Variants in NRG3 observed in about 807,000 individuals in gnomAD.
The protein encoded by NRG3 is neuregulin 3.
In NRG3, 31 loss-of-function variants were observed where a neutral mutation model predicts 66.9. That is an observed-to-expected ratio of 0.46 (90% CI 0.35 to 0.63). The LOEUF (loss-of-function observed/expected upper bound fraction) is 0.63. Among genes scored for constraint, NRG3 ranks in the 20% least tolerant of loss-of-function variants. The probability of loss-of-function intolerance (pLI) is 0.00; values close to 1 mark genes in which losing one functional copy is unlikely to be tolerated. For synonymous variants in NRG3, 393 were observed against 359.4 expected, an observed-to-expected ratio of 1.09 and a Z score of -1.06; for missense variants, 910 against 878.9, an observed-to-expected ratio of 1.04 and a Z score of -0.45.
chr10:82,670,139 C>A (rs1057485773), intron 2 of NRG3, among the ~76,000 whole-genome samples: 1 of 152,076 alleles, frequency 6.6e-6, no homozygotes, highest in African/African-American at 2.4e-5. Context: ...CTCCTGAACT[C>A]CTTGCCTTCT....
chr10:82,799,592 T>A (rs147571729), intron 3 of NRG3: 1 of 151,640 alleles, frequency 6.6e-6, no homozygotes, highest in East Asian at 1.9e-4. Flanking sequence ...TGGAGTATTA[T>A]GTAAGAGATG....
intron 1 of NRG3, among the ~76,000 whole-genome samples, chr10:82,306,703 TAAAAAAAAAAAAAAAAAAAA>T (rs71009805): frequency 8.4e-5 from 3 of 35,882 alleles, no homozygotes; most frequent in East Asian, 2.0e-3. Context: ...GACTCCGTCT[TAAAAAAAAAAAAAAAAAAAA>T]AAAAAAAAAA....
intron 2 of NRG3, among the ~76,000 whole-genome samples, chr10:82,719,127 G>A (rs1261106074): frequency 6.6e-6 from 1 of 152,186 alleles, no homozygotes; most frequent in Non-Finnish European, 1.5e-5. Context: ...CCAAAGTGCA[G>A]TGAGGAAGTA....
At chr10:82,888,581 G>T (rs1371518637) in intron 4 of NRG3, among the ~76,000 whole-genome samples, 3 of 152,070 alleles carry the variant, frequency 2.0e-5, no homozygotes. Context: ...ATTAACAAAA[G>T]CGTATGAGCA....
chr10:82,564,821 T>G (rs926346844), intron 2 of NRG3, among the ~76,000 whole-genome samples: 16 of 152,142 alleles, frequency 1.1e-4, no homozygotes, highest in Non-Finnish European at 2.9e-5. Context: ...GTGCTCAGTA[T>G]CTTCTTAACT....
chr10:81,998,511 CA>C lies in NRG3; in HGVS notation c.823+122351del. On this transcript the variant is annotated intron_variant, in intron 1 of 8. Transcript: ENST00000372141. ...CATCTCATGGGTCTTTGGAGTCAGA[CA>C]AACTGGGCCGCAGAGTCGATGTTGA... Among the ~76,000 whole-genome samples the C allele has an allele frequency of 2.0e-5, 3 of 152,216 alleles. No homozygotes were observed. The South Asian group carries it at 6.2e-4, about 32-fold the overall frequency.
chr10:82,800,748 C>G (rs1037655076), intron 3 of NRG3, among the ~76,000 whole-genome samples: 18 of 152,274 alleles, frequency 1.2e-4, no homozygotes, highest in Admixed American at 3.9e-4. Context: ...AGAGTTCAGT[C>G]TCAAATGCTA....
chr10:82,602,916 A>G (rs2047722121), intron 2 of NRG3, among the ~76,000 whole-genome samples: 1 of 152,178 alleles, frequency 6.6e-6, no homozygotes, highest in Non-Finnish European at 1.5e-5. Flanking sequence ...TTGCCTAAGG[A>G]GACAATGAGA....
At chr10:81,926,850 G>A (rs1013499744) in intron 1 of NRG3, among the ~76,000 whole-genome samples, 5 of 152,118 alleles carry the variant, frequency 3.3e-5, no homozygotes, top group African/African-American at 9.7e-5. Flanking sequence ...CCTTGGGCAA[G>A]GTTTTAACTA....
chr10:82,321,660 T>C (rs1174769615), intron 1 of NRG3, among the ~76,000 whole-genome samples: 1 of 152,188 alleles, frequency 6.6e-6, no homozygotes, highest in Non-Finnish European at 1.5e-5. Context: ...TTGTATGTTA[T>C]AAGGAGACCT....
chr10:82,789,104 A>T (rs2060484047), intron 3 of NRG3, among the ~76,000 whole-genome samples: 1 of 152,122 alleles, frequency 6.6e-6, no homozygotes, highest in Non-Finnish European at 1.5e-5. Context: ...AAGATTTTAC[A>T]TTTCCACCAG....
intron 1 of NRG3, among the ~76,000 whole-genome samples, chr10:82,199,889 CGTGT>C (rs71007301): frequency 0.63 from 89,553 of 142,576 alleles, 28,079 homozygotes; most frequent in Middle Eastern, 0.75. Context: ...TGTGTGTGTG[CGTGT>C]GTGTGTGTGT....
At chr10:82,439,615 C>A (rs1354327615) in intron 2 of NRG3, among the ~76,000 whole-genome samples, 1 of 151,922 alleles carries the variant, frequency 6.6e-6, no homozygotes, top group Non-Finnish European at 1.5e-5. Context: ...ACTTAATTTA[C>A]ATATCCTATT....
rs903290263 is a variant in NRG3, at chr10:81,876,188, A to G, written c.823+25A>G. On this transcript the variant is annotated intron_variant, in intron 1 of 8. Coordinates refer to ENST00000372141, the MANE Select transcript of NRG3 (RefSeq NM_001010848.4). ...CGTAAGTAAACACTGTGTCTCAACT[A>G]TGATTTACTACTGAGTTTCCCTTCT... 9 of 1,549,112 alleles carry G rather than the reference A, an allele frequency of 5.8e-6. No homozygotes were observed. The East Asian group carries it at 7.3e-5, about 13-fold the overall frequency.
intron 1 of NRG3, among the ~76,000 whole-genome samples, chr10:82,255,691 C>T (rs754007775): frequency 9.9e-5 from 15 of 152,100 alleles, no homozygotes; most frequent in Admixed American, 9.8e-4. Context: ...CAACCTCTGC[C>T]TCCTGGGTTC....
chr10:82,091,414 A>G (rs1018714850), intron 1 of NRG3, among the ~76,000 whole-genome samples: 1 of 152,126 alleles, frequency 6.6e-6, no homozygotes, highest in East Asian at 1.9e-4. Context: ...AAGTGTAATC[A>G]TATATTTGTC....
chr10:82,948,096 T>A (rs1194575349), intron 4 of NRG3, among the ~76,000 whole-genome samples: 1 of 152,024 alleles, frequency 6.6e-6, no homozygotes, highest in Non-Finnish European at 1.5e-5. Flanking sequence ...ATGTATAGAG[T>A]ATGAGATTAG....
chr10:82,242,370 G>A (rs954894066), intron 1 of NRG3, among the ~76,000 whole-genome samples: 1 of 152,060 alleles, frequency 6.6e-6, no homozygotes, highest in African/African-American at 2.4e-5. Context: ...TATTTTCATT[G>A]AGTACCCATC....
chr10:82,732,404 A>T (rs1243044831), intron 2 of NRG3, among the ~76,000 whole-genome samples: 1 of 152,156 alleles, frequency 6.6e-6, no homozygotes, highest in Non-Finnish European at 1.5e-5. Context: ...ATCCTGGGAA[A>T]GGTGGTTAGG....
Sources: allele counts gnomAD v4.1 joint callset (sites outside exome capture counted in the v4.1 genomes callset), GRCh38; gene constraint gnomAD v4.1.1; transcripts MANE v1.5; gene names NCBI Gene and HGNC (gene_info 2026-07-23, HGNC 2026-07-21).